GAREM1: variants seen among roughly 807,000 people sequenced by gnomAD.
GAREM1 encodes GRB2-associated and regulator of MAPK protein 1.
In GAREM1, 26 loss-of-function variants were observed where a neutral mutation model predicts 71.3. The observed-to-expected ratio is 0.36, with a 90% CI of 0.27 to 0.51. The LOEUF is 0.51. Ranked by LOEUF, GAREM1 falls within the 20% of genes least tolerant of loss-of-function variation. GAREM1 has a pLI of 0.95. For missense variants in GAREM1, 1,026 were observed against 1,103.1 expected, an observed-to-expected ratio of 0.93 and a Z score of 0.99; for synonymous variants, 440 against 433.2, an observed-to-expected ratio of 1.02 and a Z score of -0.20.
intron 4 of GAREM1, among the ~76,000 whole-genome samples, chr18:32,282,847 G>C (rs2144450775): frequency 6.6e-6 from 1 of 152,322 alleles, no homozygotes; most frequent in African/African-American, 2.4e-5. Flanking sequence ...TTTCTAAAGA[G>C]GGGGAAAAGA....
chr18:32,407,282 T>A (rs1221444805), intron 1 of GAREM1, among the ~76,000 whole-genome samples: 1 of 152,156 alleles, frequency 6.6e-6, no homozygotes, highest in Non-Finnish European at 1.5e-5. Context: ...AATGAGAACA[T>A]AGTTGCCTGT....
At chr18:32,346,933 C>T (rs1307317679) in intron 2 of GAREM1, among the ~76,000 whole-genome samples, 1 of 152,124 alleles carries the variant, frequency 6.6e-6, no homozygotes. Flanking sequence ...AGAGGAGACG[C>T]TGTGTCGGCA....
intron 2 of GAREM1, among the ~76,000 whole-genome samples, chr18:32,318,687 T>G (rs1369877124): frequency 6.6e-6 from 1 of 152,120 alleles, no homozygotes; most frequent in African/African-American, 2.4e-5. Flanking sequence ...GGCCCTCTTT[T>G]GCAGCTGTAG....
At chr18:32,301,454 G>A (rs2047201197) in intron 3 of GAREM1, among the ~76,000 whole-genome samples, 1 of 152,170 alleles carries the variant, frequency 6.6e-6, no homozygotes, top group Admixed American at 6.5e-5. Flanking sequence ...GGCTAACCGG[G>A]TCTAAATTTA....
intron 2 of GAREM1, among the ~76,000 whole-genome samples, chr18:32,388,537 G>A (rs753455336): frequency 3.3e-5 from 5 of 152,072 alleles, no homozygotes; most frequent in African/African-American, 4.8e-5. Flanking sequence ...TGGACAATAC[G>A]TTAACCAAGT....
intron 2 of GAREM1, among the ~76,000 whole-genome samples, chr18:32,332,909 A>G (rs924741983): frequency 6.6e-6 from 1 of 152,160 alleles, no homozygotes; most frequent in African/African-American, 2.4e-5. Context: ...TGGCCAATAT[A>G]GTGGCCTAGG....
At chr18:32,393,113 G>T in intron 1 of GAREM1, 78 bp from the exon 2 acceptor site, 2 of 1,400,010 alleles carry the variant, frequency 1.4e-6, no homozygotes, top group Non-Finnish European at 1.9e-6. Context: ...AATTTCATTA[G>T]TTAAAACTTG....
chr18:32,372,198 G>C (rs916385464), intron 2 of GAREM1, among the ~76,000 whole-genome samples: 1 of 152,110 alleles, frequency 6.6e-6, no homozygotes, highest in Non-Finnish European at 1.5e-5. Context: ...CACACACAAA[G>C]CAGACAGAAA....
intron 2 of GAREM1, among the ~76,000 whole-genome samples, chr18:32,339,317 G>A (rs960868288): frequency 2.6e-5 from 4 of 152,204 alleles, no homozygotes; most frequent in Non-Finnish European, 2.9e-5. Context: ...GTGCCTGGAA[G>A]AAGCACACCT....
intron 2 of GAREM1, among the ~76,000 whole-genome samples, chr18:32,390,461 G>C (rs1444085910): frequency 6.6e-6 from 1 of 152,168 alleles, no homozygotes; most frequent in Non-Finnish European, 1.5e-5. Context: ...ATGATCTCAT[G>C]AACTATTTGG....
At chr18:32,334,070 T>C (rs149452431) in intron 2 of GAREM1, among the ~76,000 whole-genome samples, 2 of 152,280 alleles carry the variant, frequency 1.3e-5, no homozygotes, top group African/African-American at 4.8e-5. Context: ...ATTGTGACAT[T>C]GCAGTCGGAA....
intron 1 of GAREM1, among the ~76,000 whole-genome samples, chr18:32,427,624 T>C (rs548519852): frequency 6.6e-6 from 1 of 152,348 alleles, no homozygotes; most frequent in South Asian, 2.1e-4. Flanking sequence ...TCCAAGGGAC[T>C]GTATCATTAT....
intron 1 of GAREM1, among the ~76,000 whole-genome samples, chr18:32,401,464 A>T (rs2048315224): frequency 1.3e-5 from 2 of 152,170 alleles, no homozygotes; most frequent in African/African-American, 4.8e-5. Context: ...AAAAAAAGAA[A>T]TGTAGAGCAG....
intron 4 of GAREM1, among the ~76,000 whole-genome samples, chr18:32,272,413 C>T (rs766654881): frequency 2.3e-4 from 35 of 152,304 alleles, no homozygotes; most frequent in Middle Eastern, 3.4e-3. Context: ...TGAAAGGGAA[C>T]GGTTTCATCT....
chr18:32,281,246 T>C (rs1252514486), intron 4 of GAREM1, among the ~76,000 whole-genome samples: 4 of 152,084 alleles, frequency 2.6e-5, no homozygotes, highest in South Asian at 2.1e-4. Flanking sequence ...ATCTATCACA[T>C]AGTGAGTGTT....
At chr18:32,446,510 T>C (rs909819663) in intron 1 of GAREM1, among the ~76,000 whole-genome samples, 5 of 152,182 alleles carry the variant, frequency 3.3e-5, no homozygotes, top group African/African-American at 1.2e-4. Flanking sequence ...CAAACCAGGA[T>C]GCTGGGATTC....
At chr18:32,319,353 G>C (rs614014) in intron 2 of GAREM1, among the ~76,000 whole-genome samples, 25,575 of 152,176 alleles carry the variant, frequency 0.17, 2,411 homozygotes, top group African/African-American at 0.24. Context: ...ACACACTCTT[G>C]TATTTTAATC....
At chr18:32,432,514 T>C (rs2048633664) in intron 1 of GAREM1, among the ~76,000 whole-genome samples, 1 of 152,040 alleles carries the variant, frequency 6.6e-6, no homozygotes. Flanking sequence ...TAAAGATCTT[T>C]CTCTGAAAAG....
chr18:32,411,497 T>C (rs1472695134), intron 1 of GAREM1, among the ~76,000 whole-genome samples: 1 of 151,986 alleles, frequency 6.6e-6, no homozygotes, highest in Non-Finnish European at 1.5e-5. Flanking sequence ...ATATTTCTTT[T>C]TTTTTTCATT....
Sources: allele counts gnomAD v4.1 joint callset (sites outside exome capture counted in the v4.1 genomes callset), GRCh38; gene constraint gnomAD v4.1.1; transcripts MANE v1.5; gene names NCBI Gene and HGNC (gene_info 2026-07-23, HGNC 2026-07-21).